Variants in FAM83B observed in about 807,000 individuals in gnomAD.
FAM83B encodes protein FAM83B.
In FAM83B, 26 loss-of-function variants were observed where a neutral mutation model predicts 38.8. That is an observed-to-expected ratio of 0.67 (90% CI 0.49 to 0.93). FAM83B has a LOEUF of 0.93. Among genes scored for constraint, FAM83B ranks in the 40% least tolerant of loss-of-function variants. FAM83B has a pLI of 0.00. For missense variants in FAM83B, 1,237 were observed against 1,197.3 expected (o/e 1.03, Z -0.49); for synonymous variants, 419 against 423.1 (o/e 0.99, Z 0.12).
rs555523207 is a variant in FAM83B, at chr6:54,884,940, T to G, written c.444+14250T>G. On this transcript the variant is annotated intron_variant, in intron 2 of 4. Transcript: ENST00000306858. ...GGCGCCCGCCACCACGCCCGGCTAA[T>G]TTTTTGTATTTTTAGTAGAGACGGG... Among the ~76,000 whole-genome samples, 224 of 152,088 alleles carry G rather than the reference T, an allele frequency of 1.5e-3. 3 individuals carry two copies. The Middle Eastern group carries it at 0.041, about 28-fold the overall frequency.
intron 2 of FAM83B, among the ~76,000 whole-genome samples, chr6:54,875,293 G>T (rs768772848): frequency 5.9e-5 from 9 of 151,908 alleles, no homozygotes; most frequent in Non-Finnish European, 1.3e-4. Context: ...ACTTTCATCC[G>T]CATCCCTTTG....
chr6:54,900,004 A>C (rs1336812529), intron 2 of FAM83B, among the ~76,000 whole-genome samples: 1 of 152,202 alleles, frequency 6.6e-6, no homozygotes, highest in Non-Finnish European at 1.5e-5. Flanking sequence ...ACAAGTTAGT[A>C]ATTTATCCTA....
At chr6:54,912,542 T>C (rs1772934404) in intron 2 of FAM83B, among the ~76,000 whole-genome samples, 2 of 151,582 alleles carry the variant, frequency 1.3e-5, no homozygotes, top group South Asian at 4.1e-4. Context: ...TTGAAAAATA[T>C]TTTCTAAGTT....
intron 4 of FAM83B, among the ~76,000 whole-genome samples, chr6:54,930,822 T>C (rs1232153309): frequency 6.6e-6 from 1 of 152,152 alleles, no homozygotes; most frequent in Non-Finnish European, 1.5e-5. Context: ...GTTTTATTGA[T>C]AAAAATACAT....
chr6:54,895,435 G>C (rs976620571), intron 2 of FAM83B, among the ~76,000 whole-genome samples: 30 of 152,090 alleles, frequency 2.0e-4, no homozygotes, highest in African/African-American at 6.5e-4. Flanking sequence ...CATATCCTCA[G>C]GTAGATGTGC....
chr6:54,876,938 A>G (rs945880938), intron 2 of FAM83B, among the ~76,000 whole-genome samples: 7 of 152,182 alleles, frequency 4.6e-5, no homozygotes, highest in African/African-American at 1.2e-4. Context: ...CCAAACAGTT[A>G]CTTATTGAAA....
At position 54,926,435 on chromosome 6, in the gene FAM83B, C is replaced by G; in HGVS notation, c.509C>G (p.Ser170Ter). ...VDIFKEIVEASTRGVSVYILL... is the reference protein window; with the variant it reads ...VDIFKEIVEA ...ATTTTCAAAGAAATCGTTGAGGCAT[C>G]AACTCGAGGAGTATCTGTTTACATT... is the stretch of plus-strand genomic sequence containing the variant. The change falls in exon 3 of 5, where the codon TCA (serine) becomes TGA (stop). Residue 170 changes from serine (S) to a stop codon, truncating the protein, a stop_gained. Transcript: ENST00000306858. LOFTEE classifies it high-confidence loss of function. 1 of 1,609,218 alleles carries G rather than the reference C, an allele frequency of 6.2e-7. No individual in the cohort carries two copies. The highest frequency in any genetic ancestry group is 8.5e-7 in the Non-Finnish European group (1 of 1,176,696).
intron 1 of FAM83B, among the ~76,000 whole-genome samples, chr6:54,849,255 G>A (rs940291540): frequency 5.8e-4 from 88 of 152,230 alleles, no homozygotes; most frequent in Non-Finnish European, 6.0e-4. Flanking sequence ...AGAGCCTTCA[G>A]TGGGAGCTTC....
intron 1 of FAM83B, among the ~76,000 whole-genome samples, chr6:54,852,938 A>ATTT (rs33946382): frequency 7.9e-5 from 12 of 151,526 alleles, no homozygotes; most frequent in African/African-American, 2.9e-4. Flanking sequence ...TTTTGTTGCA[A>ATTT]TTTTTTTTTC....
At chr6:54,874,275 A>C (rs6911699) in intron 2 of FAM83B, among the ~76,000 whole-genome samples, 14,614 of 151,490 alleles carry the variant, frequency 0.096, 800 homozygotes, top group South Asian at 0.15. Flanking sequence ...GTTTTGTTTT[A>C]TTTCTTTCTT....
chr6:54,891,909 A>C (rs1772412209), intron 2 of FAM83B, among the ~76,000 whole-genome samples: 1 of 151,924 alleles, frequency 6.6e-6, no homozygotes, highest in South Asian at 2.1e-4. Context: ...CTACTACCTC[A>C]GCCTCCCAAA....
chr6:54,859,494 A>G (rs984434519), intron 1 of FAM83B, among the ~76,000 whole-genome samples: 2 of 152,236 alleles, frequency 1.3e-5, no homozygotes, highest in Non-Finnish European at 2.9e-5. Flanking sequence ...CTTACTGAGC[A>G]TTTAGAATTG....
rs533236980 is a variant in FAM83B, at chr6:54,858,395, T to A, written c.-61+11569T>A. On this transcript the variant is annotated intron_variant, in intron 1 of 4. Transcript: ENST00000306858. The stretch of plus-strand genomic sequence containing the variant: ...ATTCTTCTTGAAAAAAGAATCTAGA[T>A]TCATATTTGGATGACTTATTGGATG... 3.9e-5 allele frequency among the ~76,000 whole-genome samples: 6 copies of A among 152,330 alleles called. 1 individual carries two copies. In the East Asian group the frequency reaches 1.2e-3, roughly 29 times the overall value.
At chr6:54,900,020 A>T (rs1257980593) in intron 2 of FAM83B, among the ~76,000 whole-genome samples, 1 of 152,246 alleles carries the variant, frequency 6.6e-6, no homozygotes, top group Non-Finnish European at 1.5e-5. Flanking sequence ...TCCTATGATA[A>T]TATAGTTTAG....
intron 2 of FAM83B, among the ~76,000 whole-genome samples, chr6:54,875,843 A>G (rs1771979584): frequency 6.6e-6 from 1 of 152,224 alleles, no homozygotes; most frequent in South Asian, 2.1e-4. Context: ...CATCCTGCCA[A>G]CAATTGCTGT....
rs188096220 is a variant in FAM83B at position 54,914,391 on chromosome 6, C to A, written c.445-11980C>A. On this transcript the variant is annotated intron_variant, in intron 2 of 4. Coordinates refer to ENST00000306858, the MANE Select transcript of FAM83B (RefSeq NM_001010872.3). ...AACCTAGCACTTACATTCTGTCTCA[C>A]CCTAGAGGTCACTTTTCATCAAACC... is the stretch of plus-strand genomic sequence containing the variant. 9.9e-5 allele frequency among the ~76,000 whole-genome samples: 15 copies of A among 152,254 alleles called. No homozygotes were observed. In the East Asian group the frequency reaches 2.9e-3, roughly 29 times the overall value.
intron 2 of FAM83B, among the ~76,000 whole-genome samples, chr6:54,921,287 C>A (rs1322014584): frequency 1.3e-5 from 2 of 151,724 alleles, no homozygotes; most frequent in Admixed American, 1.3e-4. Context: ...TCCTGAATGG[C>A]CTTACATTTT....
chr6:54,884,939 A>T (rs1433935407), intron 2 of FAM83B, among the ~76,000 whole-genome samples: 1 of 151,768 alleles, frequency 6.6e-6, no homozygotes, highest in African/African-American at 2.4e-5. Context: ...CGCCCGGCTA[A>T]TTTTTTGTAT....
chr6:54,870,501 TA>T lies in FAM83B; in HGVS notation c.256del (p.Thr86ProfsTer21). On this transcript the variant is annotated frameshift_variant, in exon 2 of 5. Coordinates refer to ENST00000306858, the MANE Select transcript of FAM83B (RefSeq NM_001010872.3). LOFTEE classifies it high-confidence loss of function. The stretch of plus-strand genomic sequence containing the variant: ...ATGGTACTGATGATTCCTGTGATGA[TA>T]CCTTATCTTCAGGGACCTACTGGCC... ...AHGTDDSCDD[T>X]LSSGTYWPVE... is the part of the protein sequence containing the mutation. The T allele has an allele frequency of 6.2e-7, 1 of 1,614,082 alleles. No individual in the cohort carries two copies. The highest frequency in any genetic ancestry group is 1.1e-5 in the South Asian group (1 of 91,080).
Sources: allele counts gnomAD v4.1 joint callset (sites outside exome capture counted in the v4.1 genomes callset), GRCh38; gene constraint gnomAD v4.1.1; transcripts MANE v1.5; gene names NCBI Gene and HGNC (gene_info 2026-07-23, HGNC 2026-07-21).